CADM2: variants seen among roughly 807,000 people sequenced by gnomAD.
CADM2 encodes the protein immunoglobulin superfamily member 4D.
In CADM2, 12 loss-of-function variants were observed where a neutral mutation model predicts 49.8. That is an observed-to-expected ratio of 0.24 (90% CI 0.15 to 0.39). The LOEUF is 0.39. Among genes scored for constraint, CADM2 ranks in the 10% least tolerant of loss-of-function variants. The probability of loss-of-function intolerance (pLI) is 1.00; values close to 1 mark genes in which losing one functional copy is unlikely to be tolerated. For missense variants in CADM2, 378 were observed against 492.3 expected (o/e 0.77, Z 2.20); for synonymous variants, 214 against 175.4 (o/e 1.22, Z -1.74).
chr3:84,990,338 T>C (rs2032810807), intron 1 of CADM2, among the ~76,000 whole-genome samples: 1 of 151,774 alleles, frequency 6.6e-6, no homozygotes, highest in Non-Finnish European at 1.5e-5. Context: ...AATATATTTT[T>C]ATATAATTTT....
chr3:85,654,388 G>C (rs966440143), intron 1 of CADM2, among the ~76,000 whole-genome samples: 3 of 152,148 alleles, frequency 2.0e-5, no homozygotes, highest in African/African-American at 4.8e-5. Flanking sequence ...TTAGGAAAAA[G>C]TATGCAGGGT....
At position 85,077,819 on chromosome 3, in the gene CADM2, A is replaced by G. The variant is rs576289447; in HGVS notation, c.61+118151A>G. Among the ~76,000 whole-genome samples the G allele has an allele frequency of 6.6e-5, 10 of 152,196 alleles. No individual in the cohort carries two copies. In the East Asian group the frequency reaches 1.9e-3, roughly 29 times the overall value. On this transcript the variant is annotated intron_variant, in intron 1 of 9. Coordinates refer to ENST00000383699, the MANE Select transcript of CADM2 (RefSeq NM_001167675.2). ...AATAAAAACAGATTATTATCTAATG[A>G]AAGTTAATAGTAAGCCAAATTACAT... is the stretch of plus-strand genomic sequence containing the variant.
chr3:85,581,055 T>C lies in CADM2; in HGVS notation c.62-145467T>C, dbSNP rs184286341. ...ACTTGTTGAGACTATTGAGCATAAA[T>C]TATCATTACATGAAATGTTCCCATA... On this transcript the variant is annotated intron_variant, in intron 1 of 9. Coordinates refer to ENST00000383699, the MANE Select transcript of CADM2 (RefSeq NM_001167675.2). 3.1e-3 allele frequency among the ~76,000 whole-genome samples: 470 copies of C among 152,210 alleles called. 7 individuals are homozygous for C. The highest frequency in any genetic ancestry group is 7.7e-3 in the East Asian group (40 of 5,180).
At chr3:85,218,223 A>G in intron 1 of CADM2, among the ~76,000 whole-genome samples, 1 of 152,146 alleles carries the variant, frequency 6.6e-6, no homozygotes, top group Non-Finnish European at 1.5e-5. Context: ...CCTGGAAGTG[A>G]GTTATATTCC....
chr3:85,072,520 G>C (rs1007931173), intron 1 of CADM2, among the ~76,000 whole-genome samples: 6 of 152,018 alleles, frequency 3.9e-5, no homozygotes, highest in Admixed American at 3.3e-4. Context: ...GAGGTCATGT[G>C]CCAAAGAATT....
At chr3:85,956,785 G>A (rs1338634775) in intron 7 of CADM2, among the ~76,000 whole-genome samples, 2 of 150,942 alleles carry the variant, frequency 1.3e-5, no homozygotes, top group African/African-American at 4.9e-5. Context: ...TATTTACAGA[G>A]CCATTTGCTT....
intron 3 of CADM2, among the ~76,000 whole-genome samples, chr3:85,874,918 A>G (rs1280788120): frequency 6.6e-6 from 1 of 152,166 alleles, no homozygotes; most frequent in Non-Finnish European, 1.5e-5. Flanking sequence ...TCATAAAACT[A>G]CAATACTAAA....
At chr3:85,395,636 T>C (rs1266376033) in intron 1 of CADM2, among the ~76,000 whole-genome samples, 1 of 152,086 alleles carries the variant, frequency 6.6e-6, no homozygotes, top group Non-Finnish European at 1.5e-5. Flanking sequence ...TATAAACTGT[T>C]CATTAGACCC....
At chr3:86,010,079 T>C (rs988992134) in intron 8 of CADM2, among the ~76,000 whole-genome samples, 1 of 151,926 alleles carries the variant, frequency 6.6e-6, no homozygotes, top group African/African-American at 2.4e-5. Context: ...TAATTTAAAG[T>C]AAATAGCAAT....
At chr3:85,857,367 C>T (rs1379598904) in intron 3 of CADM2, among the ~76,000 whole-genome samples, 3 of 152,086 alleles carry the variant, frequency 2.0e-5, no homozygotes, top group African/African-American at 7.2e-5. Flanking sequence ...CAAAATGTCC[C>T]AATAGCCCTA....
intron 1 of CADM2, among the ~76,000 whole-genome samples, chr3:85,198,099 A>G (rs2041390106): frequency 6.6e-6 from 1 of 151,910 alleles, no homozygotes; most frequent in Non-Finnish European, 1.5e-5. Context: ...CTTTTAAAAT[A>G]TTAGTATAGT....
At chr3:85,358,043 A>T (rs2032019985) in intron 1 of CADM2, among the ~76,000 whole-genome samples, 1 of 152,162 alleles carries the variant, frequency 6.6e-6, no homozygotes, top group South Asian at 2.1e-4. Context: ...AGACCAAGTT[A>T]TATCAACTTC....
intron 1 of CADM2, among the ~76,000 whole-genome samples, chr3:85,397,136 C>G (rs907759266): frequency 1.3e-5 from 2 of 151,876 alleles, no homozygotes; most frequent in African/African-American, 2.4e-5. Flanking sequence ...AAACAAGTGG[C>G]CAGTAAACAC....
At chr3:85,580,339 T>G (rs532802686) in intron 1 of CADM2, among the ~76,000 whole-genome samples, 2 of 151,986 alleles carry the variant, frequency 1.3e-5, no homozygotes, top group African/African-American at 4.8e-5. Context: ...GAAAAAAAAA[T>G]AAGAAGAAGA....
At chr3:85,829,467 A>G (rs2074082393) in intron 3 of CADM2, among the ~76,000 whole-genome samples, 1 of 152,020 alleles carries the variant, frequency 6.6e-6, no homozygotes, top group African/African-American at 2.4e-5. Context: ...GAAAAAAATC[A>G]CTATACATTT....
In CADM2 at chr3:85,952,624, T is replaced by C. The variant is rs181618263; in HGVS notation, c.792-8845T>C. On this transcript the variant is annotated intron_variant, in intron 7 of 9. Coordinates refer to ENST00000383699, the MANE Select transcript of CADM2 (RefSeq NM_001167675.2). Reference sequence around the variant, plus strand: ...TAGTCTTTAAATTGTTGTTTTTCTTTTTGGCACTACAGTTGCACCTGTTGT... The same window carrying C: ...TAGTCTTTAAATTGTTGTTTTTCTTCTTGGCACTACAGTTGCACCTGTTGT... 4.9e-3 allele frequency among the ~76,000 whole-genome samples: 747 copies of C among 151,024 alleles called. 5 individuals carry two copies. The highest frequency in any genetic ancestry group is 0.017 in the African/African-American group (689 of 41,446).
At chr3:85,298,446 C>A (rs1260502739) in intron 1 of CADM2, among the ~76,000 whole-genome samples, 3 of 152,056 alleles carry the variant, frequency 2.0e-5, no homozygotes, top group African/African-American at 7.2e-5. Flanking sequence ...GTTATCCCTT[C>A]ATTGAAAATG....
At chr3:84,995,246 A>C (rs756811234) in intron 1 of CADM2, among the ~76,000 whole-genome samples, 1 of 152,148 alleles carries the variant, frequency 6.6e-6, no homozygotes, top group Admixed American at 6.6e-5. Context: ...ATGCTAATAT[A>C]ATTCAAAACT....
chr3:85,489,928 A>G (rs7647981), intron 1 of CADM2, among the ~76,000 whole-genome samples: 90,377 of 151,696 alleles, frequency 0.6, 28,367 homozygotes, highest in East Asian at 0.93. Context: ...TACAAATATA[A>G]CCCCATGCCT....
Sources: allele counts gnomAD v4.1 joint callset (sites outside exome capture counted in the v4.1 genomes callset), GRCh38; gene constraint gnomAD v4.1.1; transcripts MANE v1.5; gene names NCBI Gene and HGNC (gene_info 2026-07-23, HGNC 2026-07-21).